HTR1D: variants seen among roughly 807,000 people sequenced by gnomAD.
The protein encoded by HTR1D is 5-hydroxytryptamine receptor 1D, also known as 5-HT-1D.
HTR1D carries 18 observed loss-of-function variants against 21.1 expected under a neutral mutation model. The ratio of observed to expected loss-of-function variants is 0.85; its 90% CI spans 0.59 to 1.27. The LOEUF is 1.27. Among genes scored for constraint, HTR1D ranks in the 50% most tolerant of loss-of-function variants. The pLI is 0.00. For synonymous variants in HTR1D, 196 were observed against 204.4 expected, an observed-to-expected ratio of 0.96 and a Z score of 0.35; for missense variants, 456 against 481.4, an observed-to-expected ratio of 0.95 and a Z score of 0.49.
Position 23,194,244 on chromosome 1 carries a change from G to T in HTR1D, c.-25C>A, listed in dbSNP as rs137884002. 42 of 1,595,184 alleles carry T rather than the reference G, an allele frequency of 2.6e-5. No homozygotes were observed. In the African/African-American group the frequency reaches 4.4e-4, roughly 17 times the overall value. ...TGCTAGGTGGCTCTCTCTTCCCACA[G>T]ACCTCCACACATTTGGCTCCTTCCT... On this transcript the variant is annotated 5_prime_UTR_variant, in exon 2 of 2. The change creates a new upstream start codon in the 5' untranslated region. Transcript: ENST00000374619.
intron 1 of HTR1D, among the ~76,000 whole-genome samples, chr1:23,197,457 G>A (rs1420618199): frequency 1.3e-5 from 2 of 152,126 alleles, no homozygotes; most frequent in Non-Finnish European, 2.9e-5. Context: ...CAGGCCAGGC[G>A]TGGTGGCTCA....
intron 1 of HTR1D, among the ~76,000 whole-genome samples, chr1:23,196,257 C>A (rs1275526115): frequency 1.3e-5 from 2 of 151,996 alleles, no homozygotes; most frequent in Non-Finnish European, 2.9e-5. Flanking sequence ...CCAGCCTGAC[C>A]AACATGGAGA....
chr1:23,209,468 C>A (rs1235823941), intron 1 of HTR1D, among the ~76,000 whole-genome samples: 3 of 140,392 alleles, frequency 2.1e-5, no homozygotes, highest in African/African-American at 8.2e-5. Context: ...CAGGGAACTG[C>A]ATTTCCAGGG....
At position 23,193,682 on chromosome 1, in the gene HTR1D, T is replaced by C; in HGVS notation, c.538A>G (p.Lys180Glu). 1 of 1,613,602 alleles carries C rather than the reference T, an allele frequency of 6.2e-7. No homozygotes were observed. Among genetic ancestry groups the C allele is most frequent in the Non-Finnish European group, 8.5e-7 (1 of 1,179,724 alleles). ...SIPPLFWRQA[K>E]AQEEMSDCLV... ...CAGTCCGACATCTCCTCCTGGGCCT[T>C]GGCCTGCCGCCAGAAGAGCGGGGGG... is the stretch of plus-strand genomic sequence containing the variant. Residue 180 changes from lysine to glutamate, a missense_variant, in exon 2 of 2, where the codon AAG becomes GAG. Lys to Glu is a moderately conservative substitution (Grantham distance 56). Coordinates refer to ENST00000374619, the MANE Select transcript of HTR1D (RefSeq NM_000864.5).
intron 1 of HTR1D, among the ~76,000 whole-genome samples, chr1:23,211,343 G>A (rs1355104642): frequency 6.6e-6 from 1 of 152,166 alleles, no homozygotes; most frequent in African/African-American, 2.4e-5. Flanking sequence ...GATATGATGA[G>A]GATAACAGTG....
chr1:23,194,113 G>A lies in HTR1D; in HGVS notation c.107C>T (p.Ala36Val), dbSNP rs553069366. 1.1e-5 allele frequency: 18 copies of A among 1,614,008 alleles called. No individual in the cohort carries two copies. Among genetic ancestry groups the A allele is most frequent in the South Asian group, 5.5e-5 (5 of 91,080 alleles). ...GACCACGGCAAGGGAGATCTTGAGCGCCTGGAGGGTCCTGGGATCCCAAGC... is the reference window on the plus strand; with the variant it reads ...GACCACGGCAAGGGAGATCTTGAGCACCTGGAGGGTCCTGGGATCCCAAGC... ...SEAWDPRTLQ[A>V]LKISLAVVLS... Residue 36 changes from alanine (A) to valine (V), a missense_variant, in exon 2 of 2, where the codon GCG becomes GTG. Coordinates refer to ENST00000374619, the MANE Select transcript of HTR1D (RefSeq NM_000864.5).
At position 23,194,319 on chromosome 1, in the gene HTR1D, G is replaced by C. The variant is rs1167038837; in HGVS notation, c.-100C>G. ...AAAGTCATCCTTCTGCTTCACACTG[G>C]TGGGAGCCGTACACCAGAACAGACC... On this transcript the variant is annotated 5_prime_UTR_variant, in exon 2 of 2. Transcript: ENST00000374619. The C allele has an allele frequency of 9.2e-7, 1 of 1,082,646 alleles. No homozygotes were observed. The allele number at this position is 1,082,646 out of a possible 1,614,324, so 67.1% of individuals were successfully genotyped here.
intron 1 of HTR1D, among the ~76,000 whole-genome samples, chr1:23,198,284 T>C (rs1336640375): frequency 1.4e-5 from 2 of 145,534 alleles, no homozygotes; most frequent in African/African-American, 5.1e-5. Context: ...GAGAATGGCG[T>C]GAACCCAGGA....
At position 23,205,399 on chromosome 1, in the gene HTR1D, G is replaced by A. The variant is rs113300009; in HGVS notation, c.-782-10398C>T. On this transcript the variant is annotated intron_variant, in intron 1 of 1. Coordinates refer to ENST00000374619, the MANE Select transcript of HTR1D (RefSeq NM_000864.5). ...CCCCAATAACCTATGGGAAAAAAAA[G>A]TACTCAGCCAAGTTCAGATTAAATC... 8.9e-3 allele frequency among the ~76,000 whole-genome samples: 1,355 copies of A among 151,736 alleles called. 16 individuals are homozygous for A. The highest frequency in any genetic ancestry group is 0.027 in the African/African-American group (1,113 of 41,078).
Position 23,193,192 on chromosome 1 carries a change from C to G in HTR1D, c.1028G>C (p.Trp343Ser). Reference sequence around the variant, plus strand: ...GATGAGGGAGTTTAAATAGCCTAGCCAGGTGAAGAAGTCAAAGAGCGCCGG... The same window carrying G: ...GATGAGGGAGTTTAAATAGCCTAGCGAGGTGAAGAAGTCAAAGAGCGCCGG... The part of the protein sequence containing the change: ...IHPALFDFFT[W>S]LGYLNSLINP... Residue 343 changes from tryptophan to serine, a missense_variant, in exon 2 of 2, where the codon TGG (tryptophan) becomes TCG (serine). Trp to Ser is a radical substitution (Grantham distance 177). Transcript: ENST00000374619. 1 of 1,614,032 alleles carries G rather than the reference C, an allele frequency of 6.2e-7. No individual in the cohort carries two copies. Among genetic ancestry groups the G allele is most frequent in the Non-Finnish European group, 8.5e-7 (1 of 1,179,994 alleles).
Position 23,205,461 on chromosome 1 carries a change from G to T in HTR1D, c.-782-10460C>A, listed in dbSNP as rs952955447. On this transcript the variant is annotated intron_variant, in intron 1 of 1. Transcript: ENST00000374619. ...AAATACATGATTTGTAGTAATAAAT[G>T]CTGTTGTTTTAATTCACTGAGTTTG... 5.9e-5 allele frequency among the ~76,000 whole-genome samples: 9 copies of T among 152,160 alleles called. 1 individual carries two copies. Among genetic ancestry groups the T allele is most frequent in the Non-Finnish European group, 1.3e-4 (9 of 68,012 alleles).
rs945962196 is a variant in HTR1D, at chr1:23,217,067, T to A, written c.-783+224A>T. 1.3e-5 allele frequency among the ~76,000 whole-genome samples: 2 copies of A among 151,814 alleles called. No homozygotes were observed. Among genetic ancestry groups the A allele is most frequent in the East Asian group, 2.0e-4 (1 of 5,126 alleles). On this transcript the variant is annotated intron_variant, in intron 1 of 1. Coordinates refer to ENST00000374619, the MANE Select transcript of HTR1D (RefSeq NM_000864.5). This position sits in a 1 kb window ranked among gnomAD's most constrained non-coding sequence, Gnocchi z 4.6. ...TCCCGCAGCCTCCCTGGGCGCTGCC[T>A]CAGTCCTCCCTTTTCTCCCGGGGCT...
chr1:23,194,861 C>A lies in HTR1D; in HGVS notation c.-642G>T, dbSNP rs1165084559. 6.6e-6 allele frequency: 1 copy of A among 152,448 alleles called. No homozygotes were observed. 9.4% of individuals were successfully genotyped at this position (152,448 alleles called of 1,614,324 possible). On this transcript the variant is annotated 5_prime_UTR_variant, in exon 2 of 2. Transcript: ENST00000374619. ...TGACGCATCCTGAGCTACTTAACTT[C>A]GGTTCCTATCCCACTGATCGTTTTA...
Position 23,197,770 on chromosome 1 carries a change from C to T in HTR1D, c.-782-2769G>A, listed in dbSNP as rs563675853. 6.6e-5 allele frequency among the ~76,000 whole-genome samples: 10 copies of T among 151,276 alleles called. No homozygotes were observed. The East Asian group carries it at 7.8e-4, about 12-fold the overall frequency. The stretch of plus-strand genomic sequence containing the variant: ...TGACAATGAAGGCTGGGTGTGGTGG[C>T]GTATGCCAGTAATCCCAACACTTTG... On this transcript the variant is annotated intron_variant, in intron 1 of 1. Coordinates refer to ENST00000374619, the MANE Select transcript of HTR1D (RefSeq NM_000864.5).
chr1:23,192,916 C>A lies in HTR1D; in HGVS notation c.*170G>T, dbSNP rs1268414308. 6 of 336,744 alleles carry A rather than the reference C, an allele frequency of 1.8e-5. No individual in the cohort carries two copies. The highest frequency in any genetic ancestry group is 3.1e-5 in the Non-Finnish European group (6 of 191,216). The allele number at this position is 336,744 out of a possible 1,614,324, so 20.9% of individuals were successfully genotyped here. Reference sequence around the variant, plus strand: ...GCCCCCCGCCCCCCACCACCCACAGCTCTTTCAGAAGTTAAGAAAACAACA... The same window carrying A: ...GCCCCCCGCCCCCCACCACCCACAGATCTTTCAGAAGTTAAGAAAACAACA... On this transcript the variant is annotated 3_prime_UTR_variant, in exon 2 of 2. Transcript: ENST00000374619.
At chr1:23,204,568 C>G (rs914699148) in intron 1 of HTR1D, among the ~76,000 whole-genome samples, 1 of 152,196 alleles carries the variant, frequency 6.6e-6, no homozygotes, top group Non-Finnish European at 1.5e-5. Context: ...CTTCTACTGC[C>G]CTGTGCCACC....
At chr1:23,206,650 T>A (rs563643585) in intron 1 of HTR1D, among the ~76,000 whole-genome samples, 1 of 152,122 alleles carries the variant, frequency 6.6e-6, no homozygotes, top group South Asian at 2.1e-4. Context: ...CCTGGCTACC[T>A]AATTCCAAGT....
rs991928726 is a variant in HTR1D at position 23,217,077 on chromosome 1, C to A, written c.-783+214G>T. Among the ~76,000 whole-genome samples the A allele has an allele frequency of 9.9e-5, 15 of 152,120 alleles. No individual in the cohort carries two copies. The South Asian group carries it at 2.1e-3, about 21-fold the overall frequency. On this transcript the variant is annotated intron_variant, in intron 1 of 1. Coordinates refer to ENST00000374619, the MANE Select transcript of HTR1D (RefSeq NM_000864.5). The surrounding 1 kb of genome is among the most constrained non-coding windows in gnomAD (Gnocchi z 4.6). ...TCCCTGGGCGCTGCCTCAGTCCTCC[C>A]TTTTCTCCCGGGGCTCTGGACGGCC...
chr1:23,198,365 C>CAAA (rs58589973), intron 1 of HTR1D, among the ~76,000 whole-genome samples: 5 of 87,508 alleles, frequency 5.7e-5, no homozygotes, highest in Admixed American at 1.3e-4. Context: ...GACTCCGTCT[C>CAAA]AAAAAAAAAA....
Sources: allele counts gnomAD v4.1 joint callset (sites outside exome capture counted in the v4.1 genomes callset), GRCh38; gene constraint gnomAD v4.1.1; non-coding constraint Gnocchi (gnomAD v3.1); transcripts MANE v1.5; gene names NCBI Gene and HGNC (gene_info 2026-07-23, HGNC 2026-07-21).